B3GALT1: variants seen among roughly 807,000 people sequenced by gnomAD.
B3GALT1 encodes the protein UDP-Gal:betaGlcNAc beta 1,3-galactosyltransferase, polypeptide 1.
Under a neutral mutation model 23.2 loss-of-function variants are expected in B3GALT1, and 10 were observed. That is an observed-to-expected ratio of 0.43 (90% CI 0.27 to 0.73). The LOEUF (loss-of-function observed/expected upper bound fraction) is 0.73. B3GALT1 is among the 30% of genes least tolerant of loss of function. The pLI is 0.21. For synonymous variants in B3GALT1, 156 were observed against 141.5 expected (o/e 1.10, Z -0.73); for missense variants, 299 against 405.4 (o/e 0.74, Z 2.25).
chr2:167,443,500 T>C (rs1302665860), intron 1 of B3GALT1, among the ~76,000 whole-genome samples: 1 of 152,206 alleles, frequency 6.6e-6, no homozygotes, highest in East Asian at 1.9e-4. Flanking sequence ...ATTGTTCCTA[T>C]CCATGAGCAT....
chr2:167,647,664 G>T (rs117495675), intron 3 of B3GALT1, among the ~76,000 whole-genome samples: 1,541 of 152,172 alleles, frequency 0.01, 59 homozygotes, highest in Admixed American at 0.064. Context: ...ATATGCATCT[G>T]GGCTCTCAAA....
intron 1 of B3GALT1, among the ~76,000 whole-genome samples, chr2:167,480,419 C>T (rs1478232538): frequency 5.9e-5 from 9 of 152,214 alleles, no homozygotes; most frequent in Non-Finnish European, 1.2e-4. Flanking sequence ...CTCAATTTCT[C>T]CCACTGTCGT....
chr2:167,682,003 G>A lies in B3GALT1; in HGVS notation c.-352+35037G>A, dbSNP rs556465126. On this transcript the variant is annotated intron_variant, in intron 3 of 4. Coordinates refer to ENST00000392690, the MANE Select transcript of B3GALT1 (RefSeq NM_020981.4). Reference sequence around the variant, plus strand: ...AATAATTCTAAAATAATGAATTTTTGTTTTTTTAAGAAAATGTCACAGCTG... The same window carrying A: ...AATAATTCTAAAATAATGAATTTTTATTTTTTTAAGAAAATGTCACAGCTG... Among the ~76,000 whole-genome samples, 36 of 152,126 alleles carry A rather than the reference G, an allele frequency of 2.4e-4. No individual in the cohort carries two copies. In the South Asian group the frequency reaches 6.2e-3, roughly 26 times the overall value.
intron 2 of B3GALT1, among the ~76,000 whole-genome samples, chr2:167,570,491 T>C (rs1294918397): frequency 1.3e-5 from 2 of 151,936 alleles, no homozygotes; most frequent in Non-Finnish European, 2.9e-5. Context: ...TTTTTATGAT[T>C]TCATATGTTT....
intron 1 of B3GALT1, among the ~76,000 whole-genome samples, chr2:167,450,691 A>G (rs554070601): frequency 8.5e-5 from 13 of 152,290 alleles, no homozygotes; most frequent in East Asian, 5.8e-4. Context: ...TCTTTTTTCA[A>G]TGAATTTCCC....
intron 3 of B3GALT1, among the ~76,000 whole-genome samples, chr2:167,680,391 A>G (rs1471599969): frequency 6.6e-6 from 1 of 152,154 alleles, no homozygotes; most frequent in Non-Finnish European, 1.5e-5. Context: ...AAAGATTTCA[A>G]ATAGAGAAAC....
Position 167,398,258 on chromosome 2 carries a change from G to T in B3GALT1, c.-510-91919G>T, listed in dbSNP as rs549588706. ...ATCCAAGGAAAGACCAAAAAGCTTT[G>T]TTTTTCATACTGTCAGTCTAGGTCT... On this transcript the variant is annotated intron_variant, in intron 1 of 4. Transcript: ENST00000392690. Among the ~76,000 whole-genome samples, 20 of 152,158 alleles carry T rather than the reference G, an allele frequency of 1.3e-4. No homozygotes were observed. The East Asian group carries it at 3.9e-3, about 29-fold the overall frequency.
chr2:167,649,630 A>C (rs936745101), intron 3 of B3GALT1, among the ~76,000 whole-genome samples: 14 of 152,136 alleles, frequency 9.2e-5, no homozygotes, highest in African/African-American at 3.4e-4. Flanking sequence ...TGTATCAGTA[A>C]TTTGTTTCCT....
intron 1 of B3GALT1, among the ~76,000 whole-genome samples, chr2:167,342,514 C>T (rs1425930203): frequency 2.7e-5 from 4 of 150,072 alleles, no homozygotes; most frequent in African/African-American, 7.4e-5. Context: ...CGCTTGAATT[C>T]GGGAGGCAGA....
chr2:167,332,896 A>G (rs1317825007), intron 1 of B3GALT1, among the ~76,000 whole-genome samples: 4 of 152,218 alleles, frequency 2.6e-5, no homozygotes, highest in South Asian at 4.1e-4. Flanking sequence ...AACACTATTA[A>G]TCAGTACATT....
At chr2:167,788,424 TG>T (rs1688378464) in intron 3 of B3GALT1, among the ~76,000 whole-genome samples, 2 of 152,140 alleles carry the variant, frequency 1.3e-5, no homozygotes, top group Admixed American at 6.5e-5. Context: ...CTTGTTTTTC[TG>T]CAACTAGACG....
At chr2:167,538,295 A>G (rs1456445399) in intron 2 of B3GALT1, among the ~76,000 whole-genome samples, 1 of 152,274 alleles carries the variant, frequency 6.6e-6, no homozygotes, top group Non-Finnish European at 1.5e-5. Flanking sequence ...TTAGCTGAGT[A>G]AATTACACAC....
intron 3 of B3GALT1, among the ~76,000 whole-genome samples, chr2:167,681,553 C>T (rs964340310): frequency 2.0e-5 from 3 of 152,100 alleles, no homozygotes; most frequent in Admixed American, 6.5e-5. Context: ...TTGGATTTTC[C>T]AGTGTAAAAA....
chr2:167,858,339 C>T (rs1487250110), intron 4 of B3GALT1, among the ~76,000 whole-genome samples: 7 of 120,694 alleles, frequency 5.8e-5, no homozygotes, highest in South Asian at 5.0e-4. Context: ...TGAACAAGAG[C>T]GAAGTAAAAA....
At chr2:167,620,775 T>C (rs563311436) in intron 2 of B3GALT1, among the ~76,000 whole-genome samples, 1 of 152,256 alleles carries the variant, frequency 6.6e-6, no homozygotes, top group Admixed American at 6.5e-5. Flanking sequence ...TCAAAACTTT[T>C]AGTTAGATGT....
chr2:167,413,818 A>G (rs1458318035), intron 1 of B3GALT1, among the ~76,000 whole-genome samples: 1 of 151,864 alleles, frequency 6.6e-6, no homozygotes, highest in Non-Finnish European at 1.5e-5. Flanking sequence ...TTTCTATACT[A>G]TCATTTTGCC....
intron 2 of B3GALT1, among the ~76,000 whole-genome samples, chr2:167,527,602 C>T (rs75252231): frequency 0.026 from 3,898 of 152,168 alleles, 155 homozygotes; most frequent in African/African-American, 0.089. Context: ...AATAATAAAA[C>T]TTTATTTTCA....
At chr2:167,862,315 C>T (rs1455963898) in intron 4 of B3GALT1, among the ~76,000 whole-genome samples, 4 of 152,136 alleles carry the variant, frequency 2.6e-5, no homozygotes, top group African/African-American at 7.2e-5. Context: ...TGTTGTAAAT[C>T]GCAGTCTGAG....
chr2:167,836,091 G>A (rs1468191370), intron 4 of B3GALT1, among the ~76,000 whole-genome samples: 2 of 152,210 alleles, frequency 1.3e-5, no homozygotes, highest in Middle Eastern at 3.2e-3. Context: ...AAAAAACAGA[G>A]CAGAAAAACT....
Sources: gnomAD v4.1 joint callset for allele counts (sites outside exome capture counted in the v4.1 genomes callset) on GRCh38, gnomAD v4.1.1 for gene constraint, MANE v1.5 for transcripts, NCBI Gene and HGNC (gene_info 2026-07-23, HGNC 2026-07-21) for gene names.